Variants in RBFOX1 observed in about 807,000 individuals in gnomAD.
The protein encoded by RBFOX1 is RNA binding fox-1 homolog 1.
A neutral mutation model predicts 57.7 loss-of-function variants in RBFOX1; 8 were observed. The ratio of observed to expected loss-of-function variants is 0.14; its 90% CI spans 0.08 to 0.25. The LOEUF is 0.25. Among genes scored for constraint, RBFOX1 ranks in the 10% least tolerant of loss-of-function variants. The pLI is 1.00. For missense variants in RBFOX1, 611 were observed against 548.5 expected, an observed-to-expected ratio of 1.11 and a Z score of -1.14; for synonymous variants, 326 against 222.4, an observed-to-expected ratio of 1.47 and a Z score of -4.15.
intron 1 of RBFOX1, among the ~76,000 whole-genome samples, chr16:5,325,258 C>T (rs1008976689): frequency 2.0e-5 from 3 of 151,916 alleles, no homozygotes; most frequent in East Asian, 3.9e-4. Flanking sequence ...TTTCCTTTCC[C>T]CAACTACTTG....
rs185690089 is a variant in RBFOX1, at chr16:7,051,511, G to C, written c.-15-546G>C. On this transcript the variant is annotated intron_variant, in intron 3 of 15. Coordinates refer to ENST00000550418, the MANE Select transcript of RBFOX1 (RefSeq NM_018723.4). ...TCAGGATCTCTTTCTGTGATTGAAG[G>C]ATTGGCTTCACAATTCTCCCCAGCA... is the stretch of plus-strand genomic sequence containing the variant. Among the ~76,000 whole-genome samples the C allele has an allele frequency of 2.6e-5, 4 of 152,318 alleles. No individual in the cohort carries two copies. The East Asian group carries it at 7.7e-4, about 29-fold the overall frequency.
chr16:5,542,781 T>C (rs2045014727), intron 2 of RBFOX1, among the ~76,000 whole-genome samples: 1 of 152,206 alleles, frequency 6.6e-6, no homozygotes, highest in Non-Finnish European at 1.5e-5. Flanking sequence ...GTAGGTTCTA[T>C]GATTTGATAC....
intron 4 of RBFOX1, among the ~76,000 whole-genome samples, chr16:7,235,380 G>C (rs118084759): frequency 6.6e-6 from 1 of 152,206 alleles, no homozygotes; most frequent in South Asian, 2.1e-4. Flanking sequence ...CAGGAGGCAA[G>C]AGAATGAGTA....
At chr16:6,297,349 C>T (rs2152734944) in intron 1 of RBFOX1, among the ~76,000 whole-genome samples, 2 of 152,236 alleles carry the variant, frequency 1.3e-5, no homozygotes, top group South Asian at 2.1e-4. Context: ...CTCTGGTTCA[C>T]ACGCCTCTGA....
intron 4 of RBFOX1, among the ~76,000 whole-genome samples, chr16:7,312,057 A>G (rs771069828): frequency 6.6e-6 from 1 of 152,206 alleles, no homozygotes; most frequent in Non-Finnish European, 1.5e-5. Context: ...CCTGGGGTGC[A>G]GTGAGCAGCC....
At chr16:6,639,261 C>T (rs1019535078) in intron 2 of RBFOX1, among the ~76,000 whole-genome samples, 1 of 152,148 alleles carries the variant, frequency 6.6e-6, no homozygotes, top group Non-Finnish European at 1.5e-5. Flanking sequence ...AATCTGATGT[C>T]TTTCTGTCTA....
intron 1 of RBFOX1, among the ~76,000 whole-genome samples, chr16:5,397,834 T>G (rs1325752162): frequency 1.3e-5 from 2 of 152,238 alleles, no homozygotes. Flanking sequence ...ATGACATGGT[T>G]GTTTTAAAGC....
At chr16:6,269,245 T>C (rs1444322817) in intron 1 of RBFOX1, among the ~76,000 whole-genome samples, 1 of 152,220 alleles carries the variant, frequency 6.6e-6, no homozygotes, top group East Asian at 1.9e-4. Context: ...ATAGTTGTTA[T>C]ACTGTCATTT....
At chr16:7,055,906 ACT>A (rs1210686401) in intron 4 of RBFOX1, among the ~76,000 whole-genome samples, 6 of 152,046 alleles carry the variant, frequency 3.9e-5, no homozygotes, top group Admixed American at 6.5e-5. Flanking sequence ...GGGCTCAGCA[ACT>A]TTGTGAATTC....
intron 3 of RBFOX1, among the ~76,000 whole-genome samples, chr16:7,023,155 C>T (rs1215285414): frequency 6.6e-6 from 1 of 152,050 alleles, no homozygotes; most frequent in African/African-American, 2.4e-5. Context: ...TAGTGGGAGG[C>T]TGCAGAAGGA....
At position 7,092,915 on chromosome 16, in the gene RBFOX1, T is replaced by C. The variant is rs148253875; in HGVS notation, c.27+40817T>C. Among the ~76,000 whole-genome samples, 697 of 152,318 alleles carry C rather than the reference T, an allele frequency of 4.6e-3. 15 individuals are homozygous for C. Among genetic ancestry groups the C allele is most frequent in the Admixed American group, 0.036 (549 of 15,304 alleles). On this transcript the variant is annotated intron_variant, in intron 4 of 15. Transcript: ENST00000550418. The stretch of plus-strand genomic sequence containing the variant: ...TGGTGCACTGGAGGCCTAAGTGTCA[T>C]CTGTTTTTTTCCAAGTTAGTTGACG...
At chr16:5,251,101 C>G (rs1053025000) in intron 1 of RBFOX1, among the ~76,000 whole-genome samples, 23 of 149,446 alleles carry the variant, frequency 1.5e-4, no homozygotes, top group African/African-American at 5.6e-4. Flanking sequence ...CCCCTACCCA[C>G]TTGTCCCCGC....
intron 4 of RBFOX1, among the ~76,000 whole-genome samples, chr16:5,942,356 T>C (rs2059300079): frequency 6.6e-6 from 1 of 152,162 alleles, no homozygotes; most frequent in African/African-American, 2.4e-5. Flanking sequence ...CTGAGTCTGC[T>C]TCTGGGTGAG....
intron 4 of RBFOX1, among the ~76,000 whole-genome samples, chr16:7,200,103 T>A (rs2087935838): frequency 6.6e-6 from 1 of 152,174 alleles, no homozygotes; most frequent in African/African-American, 2.4e-5. Flanking sequence ...GTCAGGGACA[T>A]GAACACATAG....
At chr16:5,410,534 C>T (rs2151462639) in intron 1 of RBFOX1, among the ~76,000 whole-genome samples, 1 of 152,304 alleles carries the variant, frequency 6.6e-6, no homozygotes, top group Non-Finnish European at 1.5e-5. Context: ...ACTGGAATGG[C>T]ATGGTCTGAA....
At chr16:7,170,706 T>A (rs1277818632) in intron 4 of RBFOX1, among the ~76,000 whole-genome samples, 1 of 152,226 alleles carries the variant, frequency 6.6e-6, no homozygotes, top group African/African-American at 2.4e-5. Context: ...GTTTCTGCTG[T>A]ATCCTCACAT....
intron 3 of RBFOX1, among the ~76,000 whole-genome samples, chr16:5,818,410 G>T (rs1347549304): frequency 6.6e-6 from 1 of 152,110 alleles, no homozygotes; most frequent in African/African-American, 2.4e-5. Context: ...CCTGCTCTTG[G>T]GTCGTGGAGA....
chr16:6,272,133 G>T (rs1165471089), intron 1 of RBFOX1, among the ~76,000 whole-genome samples: 1 of 152,040 alleles, frequency 6.6e-6, no homozygotes, highest in African/African-American at 2.4e-5. Context: ...TGTTAACACT[G>T]GTTCAATATT....
chr16:6,305,575 C>T (rs1199987330), intron 1 of RBFOX1, among the ~76,000 whole-genome samples: 1 of 151,160 alleles, frequency 6.6e-6, no homozygotes, highest in Non-Finnish European at 1.5e-5. Context: ...TCAAGGCCCT[C>T]TTCAGCTTGG....
Sources: gnomAD v4.1 joint callset for allele counts (sites outside exome capture counted in the v4.1 genomes callset) on GRCh38, gnomAD v4.1.1 for gene constraint, MANE v1.5 for transcripts, NCBI Gene and HGNC (gene_info 2026-07-23, HGNC 2026-07-21) for gene names.